Variants in NEBL observed in about 807,000 individuals in gnomAD.
NEBL encodes the protein LIM and SH3 protein 2.
In NEBL, 122 loss-of-function variants were observed where a neutral mutation model predicts 140.2. The ratio of observed to expected loss-of-function variants is 0.87; its 90% CI spans 0.75 to 1.01. The LOEUF (loss-of-function observed/expected upper bound fraction) is 1.01, where lower values mean the gene tolerates loss of function less well. NEBL is among the 50% of genes least tolerant of loss of function. The probability of loss-of-function intolerance (pLI) is 0.00; values close to 1 mark genes in which losing one functional copy is unlikely to be tolerated. For missense variants in NEBL, 1,365 were observed against 1,231.3 expected, an observed-to-expected ratio of 1.11 and a Z score of -1.62; for synonymous variants, 436 against 398.9, an observed-to-expected ratio of 1.09 and a Z score of -1.11.
chr10:21,218,786 G>A (rs1210398760), intron 3 of NEBL, among the ~76,000 whole-genome samples: 1 of 152,322 alleles, frequency 6.6e-6, no homozygotes, highest in Non-Finnish European at 1.5e-5. Flanking sequence ...AAAGGAAAAA[G>A]GGTTTGGGCT....
At chr10:21,226,987 C>T (rs1842160491) in intron 3 of NEBL, among the ~76,000 whole-genome samples, 1 of 152,122 alleles carries the variant, frequency 6.6e-6, no homozygotes, top group African/African-American at 2.4e-5. Flanking sequence ...TACATTTCCC[C>T]ACTTCAGAAT....
At chr10:21,150,454 C>G (rs751390749) in intron 2 of NEBL, among the ~76,000 whole-genome samples, 7 of 152,196 alleles carry the variant, frequency 4.6e-5, no homozygotes, top group East Asian at 1.9e-4. Context: ...CCCAGTGAGG[C>G]TCCAACCACG....
intron 26 of NEBL, among the ~76,000 whole-genome samples, chr10:20,802,350 T>G (rs1313179659): frequency 6.6e-6 from 1 of 152,142 alleles, no homozygotes; most frequent in Non-Finnish European, 1.5e-5. Context: ...GTTAAGCGAA[T>G]CTAATACCAA....
chr10:20,827,977 G>C (rs1429739024), intron 17 of NEBL, among the ~76,000 whole-genome samples: 1 of 151,942 alleles, frequency 6.6e-6, no homozygotes, highest in Non-Finnish European at 1.5e-5. Flanking sequence ...ATGGGTACTA[G>C]GCTTAACACC....
chr10:21,127,121 T>G (rs1474690347), intron 2 of NEBL, among the ~76,000 whole-genome samples: 1 of 152,044 alleles, frequency 6.6e-6, no homozygotes, highest in Admixed American at 6.5e-5. Flanking sequence ...CTCCTTTCCC[T>G]CTTCCCAAAA....
chr10:20,790,493 C>G (rs954537400), intron 26 of NEBL, among the ~76,000 whole-genome samples: 2 of 150,766 alleles, frequency 1.3e-5, no homozygotes, highest in African/African-American at 4.9e-5. Context: ...CCCAGCTACT[C>G]GGGAGGCTGA....
At chr10:20,984,923 A>G (rs1246115029) in intron 3 of NEBL, among the ~76,000 whole-genome samples, 1 of 152,036 alleles carries the variant, frequency 6.6e-6, no homozygotes, top group Non-Finnish European at 1.5e-5. Context: ...CACGAACCCT[A>G]TTGTGAACTG....
chr10:21,039,578 A>C (rs186870429), intron 2 of NEBL, among the ~76,000 whole-genome samples: 72 of 152,304 alleles, frequency 4.7e-4, no homozygotes, highest in African/African-American at 1.7e-3. Flanking sequence ...AAGAAGATTC[A>C]AGAGAGAACT....
At chr10:20,917,271 A>T (rs767103193) in intron 4 of NEBL, among the ~76,000 whole-genome samples, 4 of 152,236 alleles carry the variant, frequency 2.6e-5, no homozygotes, top group Non-Finnish European at 4.4e-5. Context: ...ACTGTCCTCT[A>T]ACAATCACTA....
intron 2 of NEBL, among the ~76,000 whole-genome samples, chr10:21,120,802 T>C (rs1838536673): frequency 6.6e-6 from 1 of 151,354 alleles, no homozygotes; most frequent in African/African-American, 2.4e-5. Flanking sequence ...AGGTCTGAAG[T>C]CAGTGCTAAA....
At position 20,817,607 on chromosome 10, in the gene NEBL, A is replaced by G. The variant is rs1302203979; in HGVS notation, c.2141T>C (p.Ile714Thr). The G allele has an allele frequency of 1.2e-6, 2 of 1,611,346 alleles. No homozygotes were observed. The highest frequency in any genetic ancestry group is 1.7e-6 in the Non-Finnish European group (2 of 1,177,420). Residue 714 changes from isoleucine (I) to threonine (T), a missense_variant, in exon 21 of 28, where the codon ATC becomes ACC. Ile to Thr is a moderately conservative substitution (Grantham distance 89). Coordinates refer to ENST00000377122, the MANE Select transcript of NEBL (RefSeq NM_006393.3). Reference sequence around the variant, plus strand: ...TTACTAAGATGATCACACATTGCTGATGTTTTTCTGGTTTTCTTTTGCCCT... The same window carrying G: ...TTACTAAGATGATCACACATTGCTGGTGTTTTTCTGGTTTTCTTTTGCCCT... Reference protein sequence around the residue: ...LKRAKENQKNISNVYYRGQLG... With the variant: ...LKRAKENQKNTSNVYYRGQLG...
chr10:20,849,523 GT>G (rs1294698783), intron 11 of NEBL, among the ~76,000 whole-genome samples: 1 of 152,092 alleles, frequency 6.6e-6, no homozygotes, highest in African/African-American at 2.4e-5. Context: ...GAATGGTTTT[GT>G]TACCATGGGG....
rs1833669686 is a variant in NEBL, at chr10:21,029,125, G to T, written c.165-8924C>A. ...TTCCAAACCAGTCAGCTGGGCTGATGCAACAGATGACCTGGAAGGAGATGT... is the reference window on the plus strand; with the variant it reads ...TTCCAAACCAGTCAGCTGGGCTGATTCAACAGATGACCTGGAAGGAGATGT... On this transcript the variant is annotated intron_variant, in intron 2 of 6. Transcript: ENST00000417816. 3.9e-6 allele frequency: 5 copies of T among 1,278,656 alleles called. No individual in the cohort carries two copies. The Admixed American group carries it at 8.4e-5, about 22-fold the overall frequency. The allele number at this position is 1,278,656 out of a possible 1,614,324, so 79.2% of individuals were successfully genotyped here.
At chr10:20,975,500 A>G (rs1244103548) in intron 3 of NEBL, among the ~76,000 whole-genome samples, 1 of 152,168 alleles carries the variant, frequency 6.6e-6, no homozygotes, top group Non-Finnish European at 1.5e-5. Context: ...CCATCAATAC[A>G]TCAGTAGCAA....
intron 2 of NEBL, among the ~76,000 whole-genome samples, chr10:21,089,166 C>T (rs563378673): frequency 3.4e-5 from 5 of 148,724 alleles, no homozygotes; most frequent in East Asian, 3.9e-4. Context: ...TCTGCTTGAG[C>T]GGAGTCTAGA....
chr10:21,094,346 T>C (rs540204401), intron 2 of NEBL, among the ~76,000 whole-genome samples: 27 of 151,524 alleles, frequency 1.8e-4, no homozygotes, highest in Non-Finnish European at 3.4e-4. Flanking sequence ...ACTAAAAATA[T>C]AAAAAATTAG....
intron 2 of NEBL, among the ~76,000 whole-genome samples, chr10:21,073,294 G>T (rs1835901109): frequency 6.6e-6 from 1 of 151,150 alleles, no homozygotes; most frequent in African/African-American, 2.4e-5. Context: ...CTGCACTCCA[G>T]CCTGGGCAAC....
chr10:20,936,501 T>C (rs1290192885), intron 4 of NEBL, among the ~76,000 whole-genome samples: 1 of 152,216 alleles, frequency 6.6e-6, no homozygotes, highest in African/African-American at 2.4e-5. Context: ...ATGTCTTTTC[T>C]GTCCTGAATC....
chr10:21,287,285 C>T (rs1228506030), intron 1 of NEBL, among the ~76,000 whole-genome samples: 1 of 152,136 alleles, frequency 6.6e-6, no homozygotes, highest in East Asian at 1.9e-4. Flanking sequence ...CCTGTGATCC[C>T]AGAATTTTGG....
Sources: allele counts gnomAD v4.1 joint callset (sites outside exome capture counted in the v4.1 genomes callset), GRCh38; gene constraint gnomAD v4.1.1; transcripts MANE v1.5; gene names NCBI Gene and HGNC (gene_info 2026-07-23, HGNC 2026-07-21).